SKIC2: variants seen among roughly 807,000 people sequenced by gnomAD.
The protein encoded by SKIC2 is SKI2 subunit of superkiller complex, also known as superkiller complex protein 2.
chr6:31,969,223 G>A, the SKIC2 span: 13 of 1,600,806 alleles, frequency 8.1e-6, no homozygotes, highest in South Asian at 1.3e-4. This position sits in a 1 kb window ranked among gnomAD's most constrained non-coding sequence, Gnocchi z 6.1. Context: ...TCTTGATCTG[G>A]TCCTTCCCTG....
chr6:31,969,663 C>A, the SKIC2 span: 6 of 1,609,640 alleles, frequency 3.7e-6, no homozygotes, highest in Non-Finnish European at 5.1e-6. This position sits in a 1 kb window ranked among gnomAD's most constrained non-coding sequence, Gnocchi z 6.1. Flanking sequence ...GAGACAGCGG[C>A]TACCTTGCTA....
the SKIC2 span, chr6:31,959,993 T>A: frequency 3.2e-6 from 5 of 1,578,160 alleles, no homozygotes; most frequent in Non-Finnish European, 3.5e-6. Context: ...ATGCCTCTCA[T>A]CTTGCCCTTG....
At chr6:31,962,869 C>G in the SKIC2 span, 2 of 1,344,572 alleles carry the variant, frequency 1.5e-6, no homozygotes, top group African/African-American at 1.4e-5. The surrounding 1 kb of genome is among the most constrained non-coding windows in gnomAD (Gnocchi z 5.0). Flanking sequence ...TCCCTTATTC[C>G]ACACACTCAG....
chr6:31,967,119 C>CA, the SKIC2 span: 9 of 1,611,422 alleles, frequency 5.6e-6, no homozygotes, highest in Non-Finnish European at 7.6e-6. The surrounding 1 kb of genome is among the most constrained non-coding windows in gnomAD (Gnocchi z 4.9). Context: ...GAGGAACTGA[C>CA]AGAGACCCAG....
At chr6:31,960,251 C>CT in the SKIC2 span, 1 of 1,613,170 alleles carries the variant, frequency 6.2e-7, no homozygotes, top group Non-Finnish European at 8.5e-7. Context: ...TCCCTGGTCT[C>CT]TTTTGGCTGT....
the SKIC2 span, chr6:31,962,647 G>C: frequency 6.2e-7 from 1 of 1,608,418 alleles, no homozygotes; most frequent in Non-Finnish European, 8.5e-7. The surrounding 1 kb of genome is among the most constrained non-coding windows in gnomAD (Gnocchi z 5.0). Context: ...GTTGTGGAGA[G>C]TGTGCTGTCT....
the SKIC2 span, chr6:31,969,560 G>A: frequency 1.2e-6 from 2 of 1,613,838 alleles, no homozygotes; most frequent in East Asian, 2.2e-5. The surrounding 1 kb of genome is among the most constrained non-coding windows in gnomAD (Gnocchi z 6.1). Context: ...TGAGGGCCTG[G>A]TGGTCCGCTG....
the SKIC2 span, chr6:31,965,993 G>C: frequency 6.2e-7 from 1 of 1,600,344 alleles, no homozygotes; most frequent in Non-Finnish European, 8.5e-7. This position sits in a 1 kb window ranked among gnomAD's most constrained non-coding sequence, Gnocchi z 5.6. Context: ...CGAGATGGCA[G>C]ACCTGCACCG....
the SKIC2 span, chr6:31,964,174 G>A: frequency 3.7e-6 from 6 of 1,608,758 alleles, no homozygotes; most frequent in East Asian, 2.2e-5. The surrounding 1 kb of genome is among the most constrained non-coding windows in gnomAD (Gnocchi z 5.0). Flanking sequence ...TTGGCAGACT[G>A]GTGGGGATAG....
chr6:31,960,614 A>G, the SKIC2 span: 8 of 1,580,096 alleles, frequency 5.1e-6, no homozygotes, highest in Admixed American at 1.4e-4. Context: ...TTCCCCACCT[A>G]TCTCGTATTA....
the SKIC2 span, chr6:31,963,544 C>A: frequency 6.3e-7 from 1 of 1,586,270 alleles, no homozygotes; most frequent in Admixed American, 1.9e-5. This position sits in a 1 kb window ranked among gnomAD's most constrained non-coding sequence, Gnocchi z 5.3. Flanking sequence ...TCCCGAGGAG[C>A]CTTCCATACA....
the SKIC2 span, chr6:31,969,063 G>A: frequency 6.2e-7 from 1 of 1,611,634 alleles, no homozygotes; most frequent in Non-Finnish European, 8.5e-7. The surrounding 1 kb of genome is among the most constrained non-coding windows in gnomAD (Gnocchi z 6.1). Flanking sequence ...GGACGCTGGG[G>A]ATCAGCTCCC....
At chr6:31,962,312 G>A in the SKIC2 span, 2 of 1,110,938 alleles carry the variant, frequency 1.8e-6, no homozygotes, top group South Asian at 1.3e-5. The surrounding 1 kb of genome is among the most constrained non-coding windows in gnomAD (Gnocchi z 5.0). Flanking sequence ...GAATGTAAGG[G>A]CAGTTTGGGT....
the SKIC2 span, chr6:31,960,262 C>G: frequency 6.8e-3 from 10,938 of 1,613,090 alleles, 58 homozygotes; most frequent in African/African-American, 0.01. Context: ...TTTTGGCTGT[C>G]CTGGGAGCCC....
the SKIC2 span, chr6:31,967,277 G>T: frequency 6.2e-7 from 1 of 1,612,660 alleles, no homozygotes; most frequent in Admixed American, 1.7e-5. This position sits in a 1 kb window ranked among gnomAD's most constrained non-coding sequence, Gnocchi z 4.9. Flanking sequence ...CTTCAGCGAC[G>T]CATCATGGAG....
the SKIC2 span, chr6:31,962,871 C>G: frequency 7.5e-7 from 1 of 1,330,838 alleles, no homozygotes; most frequent in African/African-American, 1.4e-5. This position sits in a 1 kb window ranked among gnomAD's most constrained non-coding sequence, Gnocchi z 5.0. Context: ...CCTTATTCCA[C>G]ACACTCAGGG....
the SKIC2 span, chr6:31,963,347 G>A: frequency 2.8e-6 from 4 of 1,425,536 alleles, no homozygotes; most frequent in East Asian, 9.5e-5. This position sits in a 1 kb window ranked among gnomAD's most constrained non-coding sequence, Gnocchi z 5.3. Flanking sequence ...GGGTAGGGAA[G>A]GGGGTGGGGA....
chr6:31,966,302 T>C, the SKIC2 span, among the ~76,000 whole-genome samples: 1 of 152,024 alleles, frequency 6.6e-6, no homozygotes, highest in Non-Finnish European at 1.5e-5. The surrounding 1 kb of genome is among the most constrained non-coding windows in gnomAD (Gnocchi z 5.9). Flanking sequence ...GATGAGGTTT[T>C]GCTATGTTGC....
At chr6:31,959,752 G>T in the SKIC2 span, 1 of 556,250 alleles carries the variant, frequency 1.8e-6, no homozygotes, top group Non-Finnish European at 3.2e-6. Context: ...AAATCAGTGA[G>T]TCTCCAATTT....
Sources: allele counts gnomAD v4.1 joint callset (sites outside exome capture counted in the v4.1 genomes callset), GRCh38; gene constraint gnomAD v4.1.1; non-coding constraint Gnocchi (gnomAD v3.1); transcripts MANE v1.5; gene names NCBI Gene and HGNC (gene_info 2026-07-23, HGNC 2026-07-21).